The following PCDH15 variants were observed in gnomAD, a reference collection of about 807,000 sequenced individuals.
The protein encoded by PCDH15 is protocadherin-15.
In PCDH15, 129 loss-of-function variants were observed where a neutral mutation model predicts 178.5. That is an observed-to-expected ratio of 0.72 (90% CI 0.63 to 0.84). The LOEUF is 0.84. PCDH15 is among the 40% of genes least tolerant of loss of function. PCDH15 has a pLI of 0.00. For missense variants in PCDH15, 2,230 were observed against 2,099.9 expected (o/e 1.06, Z -1.21); for synonymous variants, 800 against 732.0 (o/e 1.09, Z -1.50).
intron 2 of PCDH15, among the ~76,000 whole-genome samples, chr10:55,158,780 A>G (rs1305565488): frequency 1.3e-5 from 2 of 151,828 alleles, no homozygotes; most frequent in African/African-American, 4.8e-5. Context: ...CACTTGATAT[A>G]TTTCTGTGAT....
chr10:54,946,350 G>A (rs144643345), intron 2 of PCDH15, among the ~76,000 whole-genome samples: 2 of 151,852 alleles, frequency 1.3e-5, no homozygotes, highest in East Asian at 1.9e-4. Context: ...TGATCTCAAA[G>A]TAGGAGTCTC....
chr10:54,155,801 A>AG (rs1189870547), intron 13 of PCDH15, among the ~76,000 whole-genome samples: 1 of 151,976 alleles, frequency 6.6e-6, no homozygotes, highest in African/African-American at 2.4e-5. Flanking sequence ...TAAAAAAAAA[A>AG]AAAAAAAAAA....
chr10:53,823,728 A>G, intron 32 of PCDH15: 1 of 462,998 alleles, frequency 2.2e-6, no homozygotes, highest in Non-Finnish European at 4.3e-6. Context: ...GCAGAACACC[A>G]TCCTTGCCTG....
At chr10:54,356,328 C>A (rs1944965248) in intron 5 of PCDH15, among the ~76,000 whole-genome samples, 1 of 151,762 alleles carries the variant, frequency 6.6e-6, no homozygotes, top group South Asian at 2.1e-4. Context: ...ATATTAAGGT[C>A]ATGAAAGTCA....
intron 8 of PCDH15, among the ~76,000 whole-genome samples, chr10:54,283,709 A>G (rs995185459): frequency 6.6e-5 from 10 of 152,142 alleles, no homozygotes; most frequent in African/African-American, 2.4e-4. Context: ...TAAAAATTAG[A>G]CACTTAGCAT....
chr10:54,916,692 A>G (rs1195124279), intron 2 of PCDH15, among the ~76,000 whole-genome samples: 2 of 152,182 alleles, frequency 1.3e-5, no homozygotes, highest in Non-Finnish European at 2.9e-5. Context: ...CACCTTTTAT[A>G]TCTATCTCCC....
At chr10:53,824,173 T>C (rs902626794) in intron 32 of PCDH15, among the ~76,000 whole-genome samples, 1 of 152,114 alleles carries the variant, frequency 6.6e-6, no homozygotes, top group Non-Finnish European at 1.5e-5. Flanking sequence ...TTGATATCAC[T>C]GAAAGGCTTA....
chr10:54,902,668 C>T (rs1411591893), intron 2 of PCDH15, among the ~76,000 whole-genome samples: 1 of 152,092 alleles, frequency 6.6e-6, no homozygotes, highest in Admixed American at 6.5e-5. Flanking sequence ...AACAACAAAC[C>T]AGAAGATATG....
chr10:55,039,042 T>G (rs1278361440), intron 2 of PCDH15, among the ~76,000 whole-genome samples: 1 of 152,162 alleles, frequency 6.6e-6, no homozygotes, highest in East Asian at 1.9e-4. Context: ...TTAAAAATTT[T>G]CTCATTAATT....
intron 10 of PCDH15, among the ~76,000 whole-genome samples, chr10:54,199,666 A>G (rs2050037862): frequency 1.3e-5 from 2 of 151,626 alleles, no homozygotes; most frequent in East Asian, 3.9e-4. Flanking sequence ...CATACAATAT[A>G]AATAAGGGTT....
intron 26 of PCDH15, among the ~76,000 whole-genome samples, chr10:53,889,452 T>A (rs1337024280): frequency 6.6e-6 from 1 of 151,286 alleles, no homozygotes; most frequent in Non-Finnish European, 1.5e-5. Context: ...TGGCAAAAAA[T>A]ATATAAAGAG....
chr10:54,885,531 A>G (rs1954342092), intron 3 of PCDH15, among the ~76,000 whole-genome samples: 1 of 152,082 alleles, frequency 6.6e-6, no homozygotes, highest in Non-Finnish European at 1.5e-5. Context: ...AGAAAGGAAC[A>G]AAATAAATAA....
intron 2 of PCDH15, among the ~76,000 whole-genome samples, chr10:54,936,983 C>G (rs998818314): frequency 4.0e-5 from 6 of 151,832 alleles, no homozygotes; most frequent in African/African-American, 1.4e-4. Flanking sequence ...TTATTTCTTA[C>G]GTTGAGGTCT....
At chr10:54,777,377 A>C (rs367869083) in intron 1 of PCDH15, among the ~76,000 whole-genome samples, 19 of 152,324 alleles carry the variant, frequency 1.2e-4, no homozygotes, top group East Asian at 9.6e-4. Context: ...AGGAGAAAGA[A>C]AGAACAATCT....
intron 2 of PCDH15, among the ~76,000 whole-genome samples, chr10:55,327,282 C>T (rs1040302204): frequency 2.2e-4 from 33 of 152,066 alleles, no homozygotes; most frequent in African/African-American, 2.2e-4. Flanking sequence ...TGATGAACTT[C>T]CGAGTCTTCA....
At chr10:54,904,968 T>C (rs1954695644) in intron 2 of PCDH15, among the ~76,000 whole-genome samples, 1 of 151,612 alleles carries the variant, frequency 6.6e-6, no homozygotes. Flanking sequence ...GAGCATCTGC[T>C]ATGTATCAGG....
intron 2 of PCDH15, among the ~76,000 whole-genome samples, chr10:55,066,496 A>G (rs1320676583): frequency 6.7e-6 from 1 of 149,696 alleles, no homozygotes; most frequent in East Asian, 2.0e-4. Context: ...TCTCAAAACT[A>G]TTTTTTTAAG....
chr10:55,294,534 G>A (rs542431908), intron 1 of PCDH15, among the ~76,000 whole-genome samples: 1 of 152,200 alleles, frequency 6.6e-6, no homozygotes, highest in African/African-American at 2.4e-5. Context: ...ACCATTACTG[G>A]AAAATACTTC....
In PCDH15 at chr10:54,002,145, C is replaced by T. The variant is rs1181751472; in HGVS notation, c.2752-6380G>A. Among the ~76,000 whole-genome samples, 7 of 150,866 alleles carry T rather than the reference C, an allele frequency of 4.6e-5. No individual in the cohort carries two copies. In the South Asian group the frequency reaches 8.4e-4, roughly 18 times the overall value. On this transcript the variant is annotated intron_variant, in intron 20 of 37. Coordinates refer to ENST00000644397, the MANE Select transcript of PCDH15 (RefSeq NM_001384140.1). ...GTGTGTGTGTGTATATATATATACACATACACACACACATATATATTTTCA... is the reference window on the plus strand; with the variant it reads ...GTGTGTGTGTGTATATATATATACATATACACACACACATATATATTTTCA...
Sources: gnomAD v4.1 joint callset for allele counts (sites outside exome capture counted in the v4.1 genomes callset) on GRCh38, gnomAD v4.1.1 for gene constraint, MANE v1.5 for transcripts, NCBI Gene and HGNC (gene_info 2026-07-23, HGNC 2026-07-21) for gene names.